Variants in GRAMD2B observed in about 807,000 individuals in gnomAD.
The protein encoded by GRAMD2B is GRAM domain containing 2B.
In GRAMD2B, 41 loss-of-function variants were observed where a neutral mutation model predicts 59.2. The ratio of observed to expected loss-of-function variants is 0.69; its 90% CI spans 0.54 to 0.90. The LOEUF (loss-of-function observed/expected upper bound fraction) is 0.90, where lower values mean the gene tolerates loss of function less well. Among genes scored for constraint, GRAMD2B ranks in the 40% least tolerant of loss-of-function variants. The pLI, the probability that GRAMD2B is intolerant of heterozygous loss-of-function variation, is 0.00. For missense variants in GRAMD2B, 424 were observed against 500.5 expected, an observed-to-expected ratio of 0.85 and a Z score of 1.46; for synonymous variants, 161 against 182.7, an observed-to-expected ratio of 0.88 and a Z score of 0.96.
chr5:126,473,686 A>G (rs564201019), intron 5 of GRAMD2B, among the ~76,000 whole-genome samples: 1 of 152,326 alleles, frequency 6.6e-6, no homozygotes, highest in Admixed American at 6.5e-5. Context: ...AAAGTTGTTT[A>G]TATGGAGGGT....
At chr5:126,380,233 T>A (rs1403231853) in intron 1 of GRAMD2B, among the ~76,000 whole-genome samples, 1 of 152,162 alleles carries the variant, frequency 6.6e-6, no homozygotes, top group African/African-American at 2.4e-5. Flanking sequence ...TTGGCTTTAT[T>A]TCTGCATTTT....
chr5:126,427,860 G>T (rs1360639884), intron 1 of GRAMD2B, among the ~76,000 whole-genome samples: 2 of 152,204 alleles, frequency 1.3e-5, no homozygotes, highest in South Asian at 4.2e-4. Flanking sequence ...TCCAAACTTT[G>T]AAAGCTCCCA....
chr5:126,431,311 A>G (rs1359321245), intron 1 of GRAMD2B, among the ~76,000 whole-genome samples: 1 of 152,204 alleles, frequency 6.6e-6, no homozygotes, highest in Non-Finnish European at 1.5e-5. Context: ...GAGCTCAGTA[A>G]ATGGCAGGCA....
chr5:126,382,105 A>G (rs1319063982), intron 1 of GRAMD2B, among the ~76,000 whole-genome samples: 3 of 152,086 alleles, frequency 2.0e-5, no homozygotes, highest in Non-Finnish European at 4.4e-5. Context: ...GATGCTTTTG[A>G]CTCACAGCTC....
chr5:126,382,640 T>A (rs1234294219), intron 1 of GRAMD2B, among the ~76,000 whole-genome samples: 1 of 152,236 alleles, frequency 6.6e-6, no homozygotes, highest in African/African-American at 2.4e-5. Context: ...TACCTTTCTC[T>A]GGAGGCTCCT....
Position 126,484,585 on chromosome 5 carries a change from T to C in GRAMD2B, c.970+61T>C, listed in dbSNP as rs1772531935. Reference sequence around the variant, plus strand: ...AGGATTGGAGATGTCTGTTTGTAACTTTTTTTTTTTTTTTAGACAGCATCT... The same window carrying C: ...AGGATTGGAGATGTCTGTTTGTAACCTTTTTTTTTTTTTTAGACAGCATCT... On this transcript the variant is annotated intron_variant, in intron 10 of 13. Coordinates refer to ENST00000285689, the MANE Select transcript of GRAMD2B (RefSeq NM_023927.4). The C allele has an allele frequency of 5.8e-5, 16 of 276,502 alleles. No individual in the cohort carries two copies. In the South Asian group the frequency reaches 1.5e-3, roughly 27 times the overall value. The allele number at this position is 276,502 out of a possible 1,614,324, so 17.1% of individuals were successfully genotyped here.
At chr5:126,447,671 GAAAAAAAAA>G (rs113356500) in intron 1 of GRAMD2B, among the ~76,000 whole-genome samples, 1 of 120,172 alleles carries the variant, frequency 8.3e-6, no homozygotes, top group African/African-American at 2.9e-5. Context: ...CTCAAAAAAA[GAAAAAAAAA>G]AAAAAAGAAA....
chr5:126,449,229 C>T (rs1035865205), intron 1 of GRAMD2B, among the ~76,000 whole-genome samples: 1 of 152,182 alleles, frequency 6.6e-6, no homozygotes, highest in East Asian at 1.9e-4. Context: ...CAATCTAATT[C>T]TTCTATCCCG....
intron 1 of GRAMD2B, chr5:126,360,581 G>C: frequency 1.1e-6 from 1 of 952,278 alleles, no homozygotes. Context: ...GTCTTTGATT[G>C]CCCACTGGGG....
At position 126,423,610 on chromosome 5, in the gene GRAMD2B, A is replaced by G; in HGVS notation, c.4A>G (p.Thr2Ala). The change falls in exon 1 of 14, where the codon ACT (threonine) becomes GCT (alanine). Residue 2 changes from threonine (T) to alanine (A), a missense_variant. Thr to Ala is a moderately conservative substitution (Grantham distance 58, BLOSUM62 0). Transcript: ENST00000285689. Reference sequence around the variant, plus strand: ...GTGCCCTCCAGACACGGCCCCGATGACTGAACTACAGCAAGATGTGGAAGA... The same window carrying G: ...GTGCCCTCCAGACACGGCCCCGATGGCTGAACTACAGCAAGATGTGGAAGA... M[T>A]ELQQDVEDTK... 6.2e-7 allele frequency: 1 copy of G among 1,612,166 alleles called. No homozygotes were observed. The highest frequency in any genetic ancestry group is 8.5e-7 in the Non-Finnish European group (1 of 1,179,310).
At chr5:126,469,267 A>G (rs544085280) in intron 2 of GRAMD2B, among the ~76,000 whole-genome samples, 117 of 152,294 alleles carry the variant, frequency 7.7e-4, no homozygotes, top group African/African-American at 2.7e-3. Flanking sequence ...GATTTTTGAT[A>G]TCCAGAAAAG....
chr5:126,375,538 T>G (rs1755111855), intron 1 of GRAMD2B, among the ~76,000 whole-genome samples: 1 of 151,766 alleles, frequency 6.6e-6, no homozygotes, highest in African/African-American at 2.4e-5. Context: ...CCTGGCTAAT[T>G]TTTTTGTATT....
chr5:126,484,207 A>T (rs1361393522), intron 9 of GRAMD2B, among the ~76,000 whole-genome samples, 195 bp from the exon 10 acceptor site: 2 of 152,180 alleles, frequency 1.3e-5, no homozygotes, highest in Non-Finnish European at 2.9e-5. Context: ...AAAATGAAAG[A>T]CTATCCTTAT....
intron 1 of GRAMD2B, among the ~76,000 whole-genome samples, chr5:126,446,847 C>T (rs927341459): frequency 6.6e-6 from 1 of 152,152 alleles, no homozygotes; most frequent in African/African-American, 2.4e-5. Context: ...ACAGATTCTT[C>T]TCCTGGAAAC....
intron 1 of GRAMD2B, among the ~76,000 whole-genome samples, chr5:126,391,925 T>C (rs893129672): frequency 3.3e-5 from 5 of 152,200 alleles, no homozygotes; most frequent in Non-Finnish European, 7.3e-5. Flanking sequence ...TCAATAAAAC[T>C]ATTATTTTTT....
At chr5:126,432,833 G>T (rs2149805550) in intron 1 of GRAMD2B, among the ~76,000 whole-genome samples, 1 of 152,294 alleles carries the variant, frequency 6.6e-6, no homozygotes, top group Admixed American at 6.5e-5. Context: ...ATTTTAGAAA[G>T]AATGACAGCA....
intron 1 of GRAMD2B, among the ~76,000 whole-genome samples, chr5:126,416,160 C>T (rs1759250012): frequency 6.6e-6 from 1 of 152,146 alleles, no homozygotes; most frequent in South Asian, 2.1e-4. Flanking sequence ...GGATTATAAA[C>T]AGTGATTCTT....
At chr5:126,401,820 A>G (rs904475850) in intron 1 of GRAMD2B, among the ~76,000 whole-genome samples, 22 of 152,220 alleles carry the variant, frequency 1.4e-4, no homozygotes, top group African/African-American at 4.6e-4. Context: ...TAAATACTGT[A>G]TCTTGAGTAG....
At chr5:126,432,911 T>C (rs1181679716) in intron 1 of GRAMD2B, among the ~76,000 whole-genome samples, 1 of 152,170 alleles carries the variant, frequency 6.6e-6, no homozygotes, top group East Asian at 1.9e-4. Context: ...GTATATGAGC[T>C]ATAAGAGAAA....
Sources: gnomAD v4.1 joint callset for allele counts (sites outside exome capture counted in the v4.1 genomes callset) on GRCh38, gnomAD v4.1.1 for gene constraint, MANE v1.5 for transcripts, NCBI Gene and HGNC (gene_info 2026-07-23, HGNC 2026-07-21) for gene names.